CCNF: variants seen among roughly 807,000 people sequenced by gnomAD.
CCNF encodes the protein cyclin F.
CCNF carries 30 observed loss-of-function variants against 85.4 expected under a neutral mutation model. The ratio of observed to expected loss-of-function variants is 0.35; its 90% CI spans 0.26 to 0.48. The LOEUF is 0.48. Among genes scored for constraint, CCNF ranks in the 20% least tolerant of loss-of-function variants. The pLI is 0.99. For synonymous variants in CCNF, 439 were observed against 425.1 expected (o/e 1.03, Z -0.40); for missense variants, 919 against 1,010.4 (o/e 0.91, Z 1.23).
rs763103851 is a variant in CCNF, at chr16:2,443,797, T to C, written c.926T>C (p.Met309Thr). 3.7e-6 allele frequency: 6 copies of C among 1,613,926 alleles called. No homozygotes were observed. In the East Asian group the frequency reaches 1.1e-4, roughly 30 times the overall value. The change falls in exon 9 of 17, where the codon ATG becomes ACG. Residue 309 changes from methionine (M) to threonine (T), a missense_variant. Around this residue, in one of 3 missense-constraint regions of CCNF, gnomAD observed 410 missense variants for 478.6 expected, o/e 0.86. Coordinates refer to ENST00000397066, the MANE Select transcript of CCNF (RefSeq NM_001761.3). Reference protein sequence around the residue: ...FSVQKGLNDTMRYILIDWLVE... With the variant: ...FSVQKGLNDTTRYILIDWLVE... Reference sequence around the variant, plus strand: ...GTGCAGAAGGGACTCAATGACACAATGAGGTGAGGCATTCAGGCCGGGGCT... The same window carrying C: ...GTGCAGAAGGGACTCAATGACACAACGAGGTGAGGCATTCAGGCCGGGGCT...
intron 4 of CCNF, 94 bp from the exon 5 acceptor site, chr16:2,437,035 T>C: frequency 1.8e-6 from 2 of 1,098,506 alleles, no homozygotes; most frequent in Middle Eastern, 2.1e-4. Context: ...TATGGTGGGC[T>C]TCAGGCATTA....
In CCNF at chr16:2,448,958, G is replaced by A. The variant is rs754242856; in HGVS notation, c.1198G>A (p.Ala400Thr). ...LVRMMGEIVS[A>T]LEGKIRVPTV... ...GAGAATGATGGGCGAGATCGTCTCC[G>A]CCTTGGAAGGGAAGATTCGAGTAAG... The change falls in exon 11 of 17, where the codon GCC (alanine) becomes ACC (threonine). Residue 400 changes from alanine to threonine, a missense_variant. Physicochemically the swap from Ala to Thr is moderately conservative, Grantham distance 58. Around this residue, in one of 3 missense-constraint regions of CCNF, gnomAD observed 505 missense variants for 514.8 expected, o/e 0.98. Transcript: ENST00000397066. 12 of 1,614,002 alleles carry A rather than the reference G, an allele frequency of 7.4e-6. No individual in the cohort carries two copies. The highest frequency in any genetic ancestry group is 2.2e-5 in the East Asian group (1 of 44,886).
chr16:2,444,027 C>G (rs1344662289), intron 9 of CCNF, among the ~76,000 whole-genome samples: 1 of 151,042 alleles, frequency 6.6e-6, no homozygotes, highest in African/African-American at 2.4e-5. Context: ...TCGAGCAATT[C>G]TCCTGCCTCA....
At position 2,449,469 on chromosome 16, in the gene CCNF, A is replaced by C. The variant is rs2065381299; in HGVS notation, c.1399+7A>C. 6.3e-7 allele frequency: 1 copy of C among 1,597,276 alleles called. No homozygotes were observed. Among genetic ancestry groups the C allele is most frequent in the Admixed American group, 1.7e-5 (1 of 59,718 alleles). ...AGACTGACGCACGGGCAGAGTAAGG[A>C]GTGGCCCTTCCCAGGGATGCCTGTG... On this transcript the variant is annotated splice_region_variant and intron_variant, in intron 12 of 16. Transcript: ENST00000397066.
In CCNF at chr16:2,439,685, GTCTTGGTTCTGAGTTCC is replaced by G. The variant is rs1432570458; in HGVS notation, c.700-61_700-45del. 3.6e-6 allele frequency: 5 copies of G among 1,392,370 alleles called. No homozygotes were observed. The African/African-American group carries it at 7.1e-5, about 20-fold the overall frequency. 86.3% of individuals were successfully genotyped at this position (1,392,370 alleles called of 1,614,324 possible). ...GTTAGCGTAGTGTCGGCCCTTCTGG[GTCTTGGTTCTGAGTTCC>G]TCCCAAGACACAGTTGTACAAAGGC... On this transcript the variant is annotated intron_variant, in intron 7 of 16. Transcript: ENST00000397066.
intron 15 of CCNF, among the ~76,000 whole-genome samples, chr16:2,454,854 G>A (rs2065416408): frequency 6.6e-6 from 1 of 152,128 alleles, no homozygotes. Context: ...GAAGTTAGGA[G>A]TTCGAGACCA....
intron 8 of CCNF, among the ~76,000 whole-genome samples, chr16:2,443,122 T>C (rs1207630119): frequency 2.2e-5 from 3 of 133,460 alleles, no homozygotes; most frequent in East Asian, 4.0e-4. Context: ...ATATTACATA[T>C]TATATATTAT....
intron 4 of CCNF, chr16:2,436,512 G>C (rs2065291957): frequency 6.6e-6 from 1 of 152,284 alleles, no homozygotes; most frequent in Non-Finnish European, 1.5e-5. Context: ...ACGATCTGGT[G>C]TCTTGCTGGG....
chr16:2,444,237 C>T (rs1228077619), intron 9 of CCNF, among the ~76,000 whole-genome samples: 1 of 150,168 alleles, frequency 6.7e-6, no homozygotes, highest in Non-Finnish European at 1.5e-5. Context: ...TTTTTAAAAC[C>T]AGTAATGCCA....
rs185599843 is a variant in CCNF, at chr16:2,449,097, T to C, written c.1218+119T>C. ...CATGGACTCAGAGAGCAGCTGTCTCTGCTGTGCCCAAAGCCATGGAGCAGG... is the reference window on the plus strand; with the variant it reads ...CATGGACTCAGAGAGCAGCTGTCTCCGCTGTGCCCAAAGCCATGGAGCAGG... On this transcript the variant is annotated intron_variant, in intron 11 of 16. Coordinates refer to ENST00000397066, the MANE Select transcript of CCNF (RefSeq NM_001761.3). 2.9e-5 allele frequency: 43 copies of C among 1,496,620 alleles called. No individual in the cohort carries two copies. The African/African-American group carries it at 5.4e-4, about 19-fold the overall frequency. 92.7% of individuals were successfully genotyped at this position (1,496,620 alleles called of 1,614,324 possible).
intron 8 of CCNF, among the ~76,000 whole-genome samples, chr16:2,443,160 TATATATAATATATATATA>T (rs61728452): frequency 0.76 from 101,112 of 133,660 alleles, 39,072 homozygotes; most frequent in African/African-American, 0.92. Context: ...TAATATATAT[TATATATAATATATATATA>T]ATATATAATA....
chr16:2,456,761 G>T lies in CCNF; in HGVS notation c.2102G>T (p.Gly701Val). The T allele has an allele frequency of 6.2e-7, 1 of 1,613,032 alleles. No individual in the cohort carries two copies. The highest frequency in any genetic ancestry group is 8.5e-7 in the Non-Finnish European group (1 of 1,179,468). The change falls in exon 17 of 17, where the codon GGG becomes GTG. Residue 701 changes from glycine to valine, a missense_variant. By Grantham distance (109) the Gly-to-Val change is moderately radical. Coordinates refer to ENST00000397066, the MANE Select transcript of CCNF (RefSeq NM_001761.3). This position sits in a 1 kb window ranked among gnomAD's most constrained non-coding sequence, Gnocchi z 4.5. ...REPGKDVTTS[G>V]YSSVSTASPT... is the part of the protein sequence containing the mutation. ...CCAGGGAAGGACGTCACGACCTCAG[G>T]GTACTCCTCCGTCAGCACCGCAAGT...
chr16:2,437,813 C>A, intron 5 of CCNF: 8 of 467,814 alleles, frequency 1.7e-5, no homozygotes, highest in Non-Finnish European at 2.7e-5. Context: ...GTGGGAGGAT[C>A]GCTTGAGCCT....
chr16:2,440,814 C>T (rs141201197), intron 8 of CCNF, among the ~76,000 whole-genome samples: 6 of 151,618 alleles, frequency 4.0e-5, no homozygotes, highest in South Asian at 2.1e-4. Context: ...GAAGGCCAGA[C>T]GTGATGGCTC....
In CCNF at chr16:2,430,781, T is replaced by C. The variant is rs977840799; in HGVS notation, c.17-349T>C. Among the ~76,000 whole-genome samples the C allele has an allele frequency of 2.6e-5, 4 of 152,140 alleles. No individual in the cohort carries two copies. In the East Asian group the frequency reaches 7.7e-4, roughly 29 times the overall value. On this transcript the variant is annotated intron_variant, in intron 1 of 16. Coordinates refer to ENST00000397066, the MANE Select transcript of CCNF (RefSeq NM_001761.3). The stretch of plus-strand genomic sequence containing the variant: ...CCCAGGAGTTTTCCTGAGAGTGAAA[T>C]AGAAGGAAAACCGTCCTCAGCTTCG...
chr16:2,432,314 A>G (rs1452066157), intron 2 of CCNF, among the ~76,000 whole-genome samples: 1 of 152,202 alleles, frequency 6.6e-6, no homozygotes, highest in Non-Finnish European at 1.5e-5. Flanking sequence ...TAGAGTATAT[A>G]GTGGATTCAT....
intron 8 of CCNF, among the ~76,000 whole-genome samples, chr16:2,443,171 T>TATATATA (rs1241490587): frequency 1.0e-4 from 1 of 9,932 alleles, no homozygotes; most frequent in Non-Finnish European, 1.5e-4. Context: ...ATATATAATA[T>TATATATA]ATATATAATA....
rs558682098 is a variant in CCNF at position 2,451,147 on chromosome 16, G to A, written c.1487+1232G>A. 3.0e-4 allele frequency among the ~76,000 whole-genome samples: 45 copies of A among 152,366 alleles called. No homozygotes were observed. In the East Asian group the frequency reaches 3.9e-3, roughly 13 times the overall value. On this transcript the variant is annotated intron_variant, in intron 13 of 16. Transcript: ENST00000397066. The surrounding 1 kb of genome is among the most constrained non-coding windows in gnomAD (Gnocchi z 4.3). ...CCATGCAGTTCATGAAGTCCCTACC[G>A]TGGTCCAGGCGCTGGGGGAGAGGGC...
chr16:2,457,605 A>T lies in CCNF; in HGVS notation c.*585A>T, dbSNP rs1415910680. On this transcript the variant is annotated 3_prime_UTR_variant, in exon 17 of 17. Transcript: ENST00000397066. ...CGAGGACTGCCTTGGCCACAGGCCC[A>T]CTCCCTACGACACGTGACTCGTTTT... 6.6e-6 allele frequency: 1 copy of T among 152,220 alleles called. No homozygotes were observed. Among genetic ancestry groups the T allele is most frequent in the Non-Finnish European group, 1.5e-5 (1 of 68,262 alleles). The allele number at this position is 152,220 out of a possible 1,614,324, so 9.4% of individuals were successfully genotyped here.
Sources: gnomAD v4.1 joint callset for allele counts (sites outside exome capture counted in the v4.1 genomes callset) on GRCh38, gnomAD v4.1.1 for gene constraint, gnomAD v4.1.1 regional missense constraint, Gnocchi (gnomAD v3.1) non-coding constraint, MANE v1.5 for transcripts, NCBI Gene and HGNC (gene_info 2026-07-23, HGNC 2026-07-21) for gene names.